The following TACR1 variants were observed in gnomAD, a reference collection of about 807,000 sequenced individuals.
TACR1 encodes substance-P receptor.
In TACR1, 25 loss-of-function variants were observed where a neutral mutation model predicts 35.8. The ratio of observed to expected loss-of-function variants is 0.70; its 90% confidence interval spans 0.51 to 0.98. The LOEUF is 0.98. Among genes scored for constraint, TACR1 ranks in the 50% least tolerant of loss-of-function variants. The pLI is 0.00. For missense variants in TACR1, 478 were observed against 522.9 expected (o/e 0.91, Z 0.84); for synonymous variants, 195 against 206.7 (o/e 0.94, Z 0.48).
chr2:75,117,298 ATG>A (rs1321096678), intron 2 of TACR1, among the ~76,000 whole-genome samples: 2 of 152,256 alleles, frequency 1.3e-5, no homozygotes, highest in African/African-American at 4.8e-5. Flanking sequence ...GTTTGAATGA[ATG>A]ATCATGGTTG....
At chr2:75,137,728 C>CAAAAAAAAAAAA (rs11326632) in intron 1 of TACR1, among the ~76,000 whole-genome samples, 392 of 47,470 alleles carry the variant, frequency 8.3e-3, no homozygotes, top group East Asian at 0.011. Flanking sequence ...GTCTCCGTCT[C>CAAAAAAAAAAAA]AAAAAAAAAA....
At position 75,127,221 on chromosome 2, in the gene TACR1, C is replaced by T. The variant is rs779246694; in HGVS notation, c.390-6453G>A. On this transcript the variant is annotated intron_variant, in intron 1 of 4. Transcript: ENST00000305249. ...TTCTTCCAGGATATTTTTTTATCAT[C>T]GAAATTCAGGGATGTTATTTAAGCA... is the stretch of plus-strand genomic sequence containing the variant. Among the ~76,000 whole-genome samples the T allele has an allele frequency of 4.6e-5, 7 of 151,962 alleles. 1 individual carries two copies. The highest frequency in any genetic ancestry group is 7.4e-5 in the Non-Finnish European group (5 of 68,008).
At position 75,053,689 on chromosome 2, in the gene TACR1, G is replaced by A. The variant is rs780710501; in HGVS notation, c.651C>T (p.Thr217=). 1.2e-6 allele frequency: 2 copies of A among 1,613,560 alleles called. No individual in the cohort carries two copies. The highest frequency in any genetic ancestry group is 1.3e-5 in the African/African-American group (1 of 74,918). Residue 217 remains threonine (T), a synonymous_variant, in exon 3 of 5, where the codon ACC becomes ACT. Coordinates refer to ENST00000305249, the MANE Select transcript of TACR1 (RefSeq NM_001058.4). ...TGGCCCATAGTGTGATTCCCACTAC[G>A]GTGTATGCATAGCCAATCACCAGCA... ...LPLLVIGYAY[T]VVGITLWASE... is the part of the protein sequence containing the mutation.
At chr2:75,195,292 A>G (rs1675940663) in intron 1 of TACR1, among the ~76,000 whole-genome samples, 1 of 151,990 alleles carries the variant, frequency 6.6e-6, no homozygotes, top group African/African-American at 2.4e-5. Context: ...TGCCTTCAAA[A>G]AATAAAACTC....
At chr2:75,197,103 CCCA>C (rs759324833) in intron 1 of TACR1, among the ~76,000 whole-genome samples, 48 of 152,324 alleles carry the variant, frequency 3.2e-4, no homozygotes, top group Non-Finnish European at 6.3e-4. Context: ...TCATTTCACT[CCCA>C]CTTTGAGTAA....
intron 2 of TACR1, among the ~76,000 whole-genome samples, chr2:75,059,238 C>T (rs547458307): frequency 1.3e-5 from 2 of 152,344 alleles, no homozygotes; most frequent in South Asian, 4.1e-4. Flanking sequence ...ACCCCTGTGA[C>T]AGGCTGCTCA....
At chr2:75,091,135 TCA>T (rs1673302744) in intron 2 of TACR1, among the ~76,000 whole-genome samples, 1 of 142,290 alleles carries the variant, frequency 7.0e-6, no homozygotes, top group African/African-American at 2.6e-5. Flanking sequence ...ATTTTTTATC[TCA>T]CACATTATAG....
At chr2:75,053,276 C>A (rs530137290) in intron 3 of TACR1, among the ~76,000 whole-genome samples, 1 of 152,130 alleles carries the variant, frequency 6.6e-6, no homozygotes, top group African/African-American at 2.4e-5. Context: ...ATGTTTGAAC[C>A]ACGTGAATGT....
chr2:75,052,750 T>C (rs1366754710), intron 3 of TACR1, among the ~76,000 whole-genome samples: 1 of 152,190 alleles, frequency 6.6e-6, no homozygotes, highest in Non-Finnish European at 1.5e-5. Context: ...TACCATTGTA[T>C]GCATATCTGT....
At chr2:75,132,494 C>T (rs1674197298) in intron 1 of TACR1, among the ~76,000 whole-genome samples, 4 of 151,940 alleles carry the variant, frequency 2.6e-5, no homozygotes, top group Admixed American at 2.6e-4. Flanking sequence ...ATAATTTTTA[C>T]TCACTCCTCA....
chr2:75,068,261 A>G (rs1672806168), intron 2 of TACR1, among the ~76,000 whole-genome samples: 1 of 152,212 alleles, frequency 6.6e-6, no homozygotes. Flanking sequence ...CTTTCTTTCT[A>G]GAAAATCTCA....
At chr2:75,095,042 TGA>T (rs1414393438) in intron 2 of TACR1, among the ~76,000 whole-genome samples, 1 of 151,116 alleles carries the variant, frequency 6.6e-6, no homozygotes, top group South Asian at 2.1e-4. Flanking sequence ...GAGGATGGAG[TGA>T]GAGTCATGCT....
chr2:75,057,511 G>A (rs112196726), intron 2 of TACR1, among the ~76,000 whole-genome samples: 10 of 152,338 alleles, frequency 6.6e-5, no homozygotes, highest in South Asian at 2.1e-4. Context: ...AAAGAAGGAT[G>A]TTATGACATG....
chr2:75,190,232 CAT>C (rs1292392746), intron 1 of TACR1, among the ~76,000 whole-genome samples: 2 of 152,146 alleles, frequency 1.3e-5, no homozygotes, highest in African/African-American at 4.8e-5. Context: ...ATGCTCACTC[CAT>C]ATAAGGGTGG....
intron 1 of TACR1, among the ~76,000 whole-genome samples, chr2:75,126,680 G>T (rs1477420225): frequency 6.6e-6 from 1 of 152,278 alleles, no homozygotes; most frequent in Middle Eastern, 3.4e-3. Context: ...CACAGCAAAA[G>T]AAACTATCAA....
intron 2 of TACR1, among the ~76,000 whole-genome samples, chr2:75,054,005 T>C (rs903353508): frequency 1.3e-5 from 2 of 152,124 alleles, no homozygotes; most frequent in Admixed American, 1.3e-4. Context: ...TGAATACTCC[T>C]GTTCAGATTA....
chr2:75,094,438 G>A (rs1673371683), intron 2 of TACR1, among the ~76,000 whole-genome samples: 1 of 152,136 alleles, frequency 6.6e-6, no homozygotes, highest in Non-Finnish European at 1.5e-5. Context: ...GACCACAGTG[G>A]TCTTTGAAGT....
At chr2:75,064,625 A>G (rs1672731144) in intron 2 of TACR1, among the ~76,000 whole-genome samples, 1 of 152,236 alleles carries the variant, frequency 6.6e-6, no homozygotes, top group Admixed American at 6.5e-5. Context: ...GGGACTTGCA[A>G]AAGGACACAG....
At chr2:75,124,043 G>T (rs1326450562) in intron 1 of TACR1, among the ~76,000 whole-genome samples, 2 of 152,198 alleles carry the variant, frequency 1.3e-5, no homozygotes, top group African/African-American at 4.8e-5. Context: ...CGTCTTTCTG[G>T]TGTAAGCATT....
Sources: gnomAD v4.1 joint callset for allele counts (sites outside exome capture counted in the v4.1 genomes callset) on GRCh38, gnomAD v4.1.1 for gene constraint, MANE v1.5 for transcripts, NCBI Gene and HGNC (gene_info 2026-07-23, HGNC 2026-07-21) for gene names.